The following RAB8B variants were observed in gnomAD, a reference collection of about 807,000 sequenced individuals.
RAB8B encodes the protein ras-related protein Rab-8B.
RAB8B carries 11 observed loss-of-function variants against 32.0 expected under a neutral mutation model. The observed-to-expected ratio is 0.34, with a 90% CI of 0.22 to 0.57. RAB8B has a LOEUF of 0.57. Ranked by LOEUF, RAB8B falls within the 20% of genes least tolerant of loss-of-function variation. RAB8B has a pLI of 0.86. For synonymous variants in RAB8B, 103 were observed against 89.6 expected (o/e 1.15, Z -0.85); for missense variants, 190 against 258.5 (o/e 0.73, Z 1.82).
intron 1 of RAB8B, among the ~76,000 whole-genome samples, chr15:63,233,055 C>CTTTTTTTTTTTTTTTTTT (rs752891283): frequency 1.4e-5 from 2 of 141,514 alleles, no homozygotes; most frequent in African/African-American, 2.6e-5. Context: ...AAGTAGCATT[C>CTTTTTTTTTTTTTTTTTT]TTTTTTTTTT....
chr15:63,224,570 A>C (rs1021683233), intron 1 of RAB8B, among the ~76,000 whole-genome samples: 1 of 152,180 alleles, frequency 6.6e-6, no homozygotes, highest in East Asian at 1.9e-4. Context: ...ACAGACCTAC[A>C]TAGATGGGGT....
At chr15:63,190,125 G>C (rs954522915) in intron 1 of RAB8B, among the ~76,000 whole-genome samples, 2 of 150,412 alleles carry the variant, frequency 1.3e-5, no homozygotes, top group African/African-American at 4.9e-5. Context: ...GATAGTGGAC[G>C]TGCCAATGAT....
chr15:63,193,381 T>C (rs1293384776), intron 1 of RAB8B, among the ~76,000 whole-genome samples: 4 of 152,250 alleles, frequency 2.6e-5, no homozygotes, highest in African/African-American at 9.6e-5. Context: ...GTCAATAGTT[T>C]AGTTAACTGT....
rs998034694 is a variant in RAB8B, at chr15:63,233,233, AT to A, written c.125-11510del. 6.9e-3 allele frequency among the ~76,000 whole-genome samples: 984 copies of A among 142,796 alleles called. 5 individuals carry two copies. Among genetic ancestry groups the A allele is most frequent in the African/African-American group, 0.019 (739 of 39,074 alleles). The allele number at this position is 142,796 out of a possible 152,430, so 93.7% of individuals were successfully genotyped here. On this transcript the variant is annotated intron_variant, in intron 1 of 7. Coordinates refer to ENST00000321437, the MANE Select transcript of RAB8B (RefSeq NM_016530.3). The stretch of plus-strand genomic sequence containing the variant: ...TGCCACCACATCCAGCTAATTTTTA[AT>A]TTTTTTTTTTTTAGAGGTGGGGTCT...
At chr15:63,227,429 C>G (rs550321810) in intron 1 of RAB8B, among the ~76,000 whole-genome samples, 36 of 146,964 alleles carry the variant, frequency 2.4e-4, no homozygotes, top group African/African-American at 7.2e-4. Context: ...TTTTGTTTTT[C>G]GTGTTAGTAA....
chr15:63,254,640 C>T (rs185083661), intron 3 of RAB8B, among the ~76,000 whole-genome samples: 93 of 152,024 alleles, frequency 6.1e-4, no homozygotes, highest in African/African-American at 2.1e-3. Flanking sequence ...GGGCTGGGCG[C>T]GGTGGCTCAC....
intron 4 of RAB8B, 123 bp from the exon 5 acceptor site, chr15:63,256,382 G>A: frequency 1.5e-6 from 1 of 656,090 alleles, no homozygotes; most frequent in East Asian, 3.1e-5. Context: ...CTCTGAATTA[G>A]GCCTTGTGTG....
intron 5 of RAB8B, among the ~76,000 whole-genome samples, 191 bp downstream of exon 5, chr15:63,256,785 G>A (rs931808382): frequency 6.6e-6 from 1 of 152,150 alleles, no homozygotes; most frequent in African/African-American, 2.4e-5. Context: ...TCTCTATACT[G>A]TGTGGTCATG....
At chr15:63,207,424 C>T (rs746601340) in intron 1 of RAB8B, among the ~76,000 whole-genome samples, 9 of 152,130 alleles carry the variant, frequency 5.9e-5, no homozygotes, top group Non-Finnish European at 1.0e-4. Flanking sequence ...TCCCACCCCA[C>T]GGTCAGTTCA....
intron 1 of RAB8B, among the ~76,000 whole-genome samples, chr15:63,236,411 G>C (rs1310093116): frequency 6.6e-6 from 1 of 152,098 alleles, no homozygotes; most frequent in Non-Finnish European, 1.5e-5. Context: ...TGAGCAACAT[G>C]GAAATACCTT....
Position 63,244,779 on chromosome 15 carries a change from A to G in RAB8B, c.148A>G (p.Ile50Val), listed in dbSNP as rs746143967. ...AGGAATTGATTTTAAAATTAGAACG[A>G]TAGAACTAGATGGAAAGAAAATTAA... ...TIGIDFKIRT[I>V]ELDGKKIKLQ... Residue 50 changes from isoleucine to valine, a missense_variant, in exon 2 of 8, where the codon ATA becomes GTA. Ile to Val is a conservative substitution (Grantham distance 29, BLOSUM62 3). Around this residue, in one of 2 missense-constraint regions of RAB8B, gnomAD observed 80 missense variants for 142.6 expected, o/e 0.56. Transcript: ENST00000321437. 1.3e-6 allele frequency: 2 copies of G among 1,581,966 alleles called. No individual in the cohort carries two copies. Among genetic ancestry groups the G allele is most frequent in the African/African-American group, 1.4e-5 (1 of 74,036 alleles).
chr15:63,195,721 C>T (rs1349628611), intron 1 of RAB8B, among the ~76,000 whole-genome samples: 1 of 152,194 alleles, frequency 6.6e-6, no homozygotes, highest in South Asian at 2.1e-4. Context: ...ATCAGCTCTC[C>T]TGTGGGTGTT....
chr15:63,239,472 GT>G (rs1373170326), intron 1 of RAB8B, among the ~76,000 whole-genome samples: 1 of 148,388 alleles, frequency 6.7e-6, no homozygotes, highest in East Asian at 2.0e-4. Context: ...GAATGCAGTG[GT>G]GCAATCTCGG....
chr15:63,197,337 C>CTTT (rs36029199), intron 1 of RAB8B, among the ~76,000 whole-genome samples: 1 of 92,230 alleles, frequency 1.1e-5, no homozygotes, highest in Non-Finnish European at 2.4e-5. Flanking sequence ...AAGTGGCTTT[C>CTTT]TTTTTTTTTT....
chr15:63,211,981 C>G (rs185109260), intron 1 of RAB8B, among the ~76,000 whole-genome samples: 157 of 152,096 alleles, frequency 1.0e-3, no homozygotes, highest in Middle Eastern at 3.4e-3. Flanking sequence ...ACAGGTGTGT[C>G]CCACCATGCC....
At chr15:63,242,977 C>G (rs1221742093) in intron 1 of RAB8B, among the ~76,000 whole-genome samples, 1 of 152,188 alleles carries the variant, frequency 6.6e-6, no homozygotes, top group Non-Finnish European at 1.5e-5. Context: ...TTATACAACT[C>G]ACCAATGTAG....
chr15:63,199,946 C>A (rs1438165354), intron 1 of RAB8B, among the ~76,000 whole-genome samples: 1 of 152,124 alleles, frequency 6.6e-6, no homozygotes, highest in East Asian at 1.9e-4. Context: ...ATATGATTTA[C>A]CGTTTTTTGT....
At chr15:63,207,392 C>G (rs936181596) in intron 1 of RAB8B, among the ~76,000 whole-genome samples, 58 of 152,160 alleles carry the variant, frequency 3.8e-4, no homozygotes, top group African/African-American at 1.3e-3. Context: ...TTCCCGGCCT[C>G]TCTCAGACTC....
At chr15:63,216,774 C>T (rs554587372) in intron 1 of RAB8B, among the ~76,000 whole-genome samples, 42 of 150,938 alleles carry the variant, frequency 2.8e-4, no homozygotes, top group Admixed American at 1.1e-3. Flanking sequence ...ACAGGAGAAT[C>T]GCTTGAACCT....
Sources: gnomAD v4.1 joint callset for allele counts (sites outside exome capture counted in the v4.1 genomes callset) on GRCh38, gnomAD v4.1.1 for gene constraint, gnomAD v4.1.1 regional missense constraint, MANE v1.5 for transcripts, NCBI Gene and HGNC (gene_info 2026-07-23, HGNC 2026-07-21) for gene names.